IDH1: variants seen among roughly 807,000 people sequenced by gnomAD.
IDH1 encodes isocitrate dehydrogenase (NADP(+)) 1.
In IDH1, 33 loss-of-function variants were observed where a neutral mutation model predicts 46.1. The observed-to-expected ratio is 0.72, with a 90% CI of 0.54 to 0.96. The LOEUF (loss-of-function observed/expected upper bound fraction) is 0.96. Among genes scored for constraint, IDH1 ranks in the 40% least tolerant of loss-of-function variants. The pLI, the probability that IDH1 is intolerant of heterozygous loss-of-function variation, is 0.00. For synonymous variants in IDH1, 144 were observed against 172.8 expected (o/e 0.83, Z 1.31); for missense variants, 421 against 515.7 (o/e 0.82, Z 1.78).
chr2:208,251,494 G>C lies in IDH1; in HGVS notation c.58C>G (p.Arg20Gly), dbSNP rs912110895. ...VVEMQGDEMT[R>G]IIWELIKEKL... The stretch of plus-strand genomic sequence containing the variant: ...TCTTTAATCAATTCCCAAATGATTC[G>C]TGTCATTTCATCTCCTTGCATCTCT... Residue 20 changes from arginine (R) to glycine (G), a missense_variant, in exon 3 of 10, where the codon CGA becomes GGA. Transcript: ENST00000345146. 6.2e-7 allele frequency: 1 copy of C among 1,612,304 alleles called. No individual in the cohort carries two copies. Among genetic ancestry groups the C allele is most frequent in the Non-Finnish European group, 8.5e-7 (1 of 1,179,152 alleles).
At chr2:208,242,918 C>T (rs1687947586) in intron 6 of IDH1, among the ~76,000 whole-genome samples, 1 of 152,124 alleles carries the variant, frequency 6.6e-6, no homozygotes, top group South Asian at 2.1e-4. Context: ...GCGCCCGCCA[C>T]CACGCCCGGC....
chr2:208,251,623 A>G, intron 2 of IDH1, 56 bp from the exon 3 acceptor site: 1 of 1,444,114 alleles, frequency 6.9e-7, no homozygotes, highest in African/African-American at 1.4e-5. Flanking sequence ...AAAGTGAAAT[A>G]TATAAACAAC....
At chr2:208,237,285 C>T (rs539282861) in intron 9 of IDH1, 116 bp from the exon 10 acceptor site, 47 of 700,212 alleles carry the variant, frequency 6.7e-5, no homozygotes, top group East Asian at 6.0e-4. Flanking sequence ...TGGAAGAAAA[C>T]GCATTCATGT....
In IDH1 at chr2:208,240,414, ATATT is replaced by A. The variant is rs1488625893; in HGVS notation, c.851-415_851-412del. 1.1e-4 allele frequency: 17 copies of A among 161,780 alleles called. No homozygotes were observed. The East Asian group carries it at 1.6e-3, about 15-fold the overall frequency. 10.0% of individuals were successfully genotyped at this position (161,780 alleles called of 1,614,324 possible). ...TATATTCATAAATATATATGAATATATATTTATATTCCTTAGAATAGTACTGGAC... is the reference window on the plus strand; with the variant it reads ...TATATTCATAAATATATATGAATATATATATTCCTTAGAATAGTACTGGAC... On this transcript the variant is annotated intron_variant, in intron 7 of 9. Transcript: ENST00000345146.
At chr2:208,249,364 T>C (rs1475300046) in intron 3 of IDH1, among the ~76,000 whole-genome samples, 6 of 152,172 alleles carry the variant, frequency 3.9e-5, no homozygotes, top group Non-Finnish European at 8.8e-5. Context: ...TAATTCCTTC[T>C]GTAATTCTTG....
intron 3 of IDH1, 126 bp from the exon 4 acceptor site, chr2:208,248,786 C>A (rs895607763): frequency 2.5e-6 from 2 of 815,182 alleles, no homozygotes; most frequent in African/African-American, 1.7e-5. Context: ...CAAAATCTGC[C>A]AAGTTTTAGC....
chr2:208,254,821 A>T (rs1331730155), intron 1 of IDH1, 118 bp downstream of exon 1: 1 of 151,424 alleles, frequency 6.6e-6, no homozygotes, highest in Non-Finnish European at 1.5e-5. Flanking sequence ...GCAGGCCTTG[A>T]CTCCCTCCAC....
chr2:208,237,241 G>A (rs945762358), intron 9 of IDH1, 72 bp from the exon 10 acceptor site: 2 of 777,636 alleles, frequency 2.6e-6, no homozygotes, highest in Non-Finnish European at 4.5e-6. Context: ...TAAAGTCCTA[G>A]AAATGCTACT....
rs1017014356 is a variant in IDH1, at chr2:208,236,982, T to C, written c.*97A>G. The C allele has an allele frequency of 1.3e-5, 9 of 706,898 alleles. No homozygotes were observed. Among genetic ancestry groups the C allele is most frequent in the Non-Finnish European group, 2.2e-5 (9 of 403,034 alleles). 43.8% of individuals were successfully genotyped at this position (706,898 alleles called of 1,614,324 possible). A position where few individuals can be genotyped will look rare whatever the true frequency, so the allele number is the denominator to read the frequency against. On this transcript the variant is annotated 3_prime_UTR_variant, in exon 10 of 10. Transcript: ENST00000345146. ...TCTGGCTTCTAAACAAATTACAAAATTGATTTTGCCTTTATCCTTGAGTGT... is the reference window on the plus strand; with the variant it reads ...TCTGGCTTCTAAACAAATTACAAAACTGATTTTGCCTTTATCCTTGAGTGT...
At chr2:208,249,146 G>A (rs1327806807) in intron 3 of IDH1, among the ~76,000 whole-genome samples, 1 of 151,846 alleles carries the variant, frequency 6.6e-6, no homozygotes, top group Non-Finnish European at 1.5e-5. Flanking sequence ...CCAAAAATGC[G>A]AATGACTACT....
At chr2:208,253,726 A>T (rs1298884740) in intron 2 of IDH1, among the ~76,000 whole-genome samples, 160 bp downstream of exon 2, 2 of 152,196 alleles carry the variant, frequency 1.3e-5, no homozygotes, top group Non-Finnish European at 2.9e-5. Flanking sequence ...CAGATAAGAC[A>T]CTGTATTAAA....
intron 8 of IDH1, 122 bp downstream of exon 8, chr2:208,239,741 G>T: frequency 1.1e-6 from 1 of 919,902 alleles, no homozygotes. Flanking sequence ...GATCTTACTA[G>T]TAGAACAAAT....
intron 5 of IDH1, 74 bp from the exon 6 acceptor site, chr2:208,243,678 C>A: frequency 8.4e-7 from 1 of 1,194,042 alleles, no homozygotes; most frequent in South Asian, 1.2e-5. Context: ...AGGCTAAAAT[C>A]ACCCACCACA....
At position 208,242,769 on chromosome 2, in the gene IDH1, CT is replaced by C. The variant is rs1206390027; in HGVS notation, c.699-625del. Among the ~76,000 whole-genome samples the C allele has an allele frequency of 2.9e-3, 407 of 139,584 alleles. 1 individual carries two copies. Among genetic ancestry groups the C allele is most frequent in the African/African-American group, 8.0e-3 (280 of 35,054 alleles). 91.6% of individuals were successfully genotyped at this position (139,584 alleles called of 152,430 possible). ...TAAATTCTTTTTTTTCTTTTCTTTTCTTTTTTTTTTTTTGAGACGGAGTCTC... is the reference window on the plus strand; with the variant it reads ...TAAATTCTTTTTTTTCTTTTCTTTTCTTTTTTTTTTTTGAGACGGAGTCTC... On this transcript the variant is annotated intron_variant, in intron 6 of 9. Transcript: ENST00000345146.
intron 9 of IDH1, 68 bp downstream of exon 9, chr2:208,239,003 C>A: frequency 1.5e-6 from 2 of 1,345,106 alleles, no homozygotes; most frequent in Admixed American, 3.4e-5. Flanking sequence ...CCAGAAAGCA[C>A]CGATGCTCTG....
rs369039979 is a variant in IDH1, at chr2:208,242,026, T to C, written c.818A>G (p.Asp273Gly). 1 of 1,612,746 alleles carries C rather than the reference T, an allele frequency of 6.2e-7. No individual in the cohort carries two copies. The highest frequency in any genetic ancestry group is 1.3e-5 in the African/African-American group (1 of 74,978). Residue 273 changes from aspartate to glycine, a missense_variant, in exon 7 of 10, where the codon GAT (aspartate) becomes GGT (glycine). Transcript: ENST00000345146. ...GGFIWACKNY[D>G]GDVQSDSVAQ... ...CACAGAGTCCGACTGCACGTCACCATCATAGTTTTTACAGGCCCAGATGAA... is the reference window on the plus strand; with the variant it reads ...CACAGAGTCCGACTGCACGTCACCACCATAGTTTTTACAGGCCCAGATGAA...
chr2:208,237,683 G>A (rs764144336), intron 9 of IDH1, among the ~76,000 whole-genome samples: 17 of 151,786 alleles, frequency 1.1e-4, no homozygotes, highest in Non-Finnish European at 2.4e-4. Flanking sequence ...CACTTTGGGG[G>A]GCCAAGGCGG....
intron 3 of IDH1, among the ~76,000 whole-genome samples, chr2:208,249,977 T>C (rs1333530572): frequency 6.6e-6 from 1 of 152,136 alleles, no homozygotes; most frequent in Non-Finnish European, 1.5e-5. Context: ...TCTAAGAAGA[T>C]AAGAAAGGAA....
chr2:208,239,821 A>G (rs1253883571), intron 8 of IDH1, 42 bp downstream of exon 8: 1 of 1,609,940 alleles, frequency 6.2e-7, no homozygotes. Context: ...GCTGCTTTGG[A>G]GAGCACTCTC....
Sources: gnomAD v4.1 joint callset for allele counts (sites outside exome capture counted in the v4.1 genomes callset) on GRCh38, gnomAD v4.1.1 for gene constraint, MANE v1.5 for transcripts, NCBI Gene and HGNC (gene_info 2026-07-23, HGNC 2026-07-21) for gene names.